The following DLEU7 variants were observed in gnomAD, a reference collection of about 807,000 sequenced individuals.
The protein encoded by DLEU7 is leukemia-associated protein 7.
A neutral mutation model predicts 16.0 loss-of-function variants in DLEU7; 17 were observed. The observed-to-expected ratio is 1.06, with a 90% CI of 0.73 to 1.59. The LOEUF (loss-of-function observed/expected upper bound fraction) is 1.59. Among genes scored for constraint, DLEU7 ranks in the 40% most tolerant of loss-of-function variants. The pLI is 0.00. For missense variants in DLEU7, 308 were observed against 314.9 expected (o/e 0.98, Z 0.17); for synonymous variants, 113 against 139.8 (o/e 0.81, Z 1.35).
chr13:50,758,025 A>ATTTTT (rs5803530), intron 1 of DLEU7, among the ~76,000 whole-genome samples: 35 of 89,082 alleles, frequency 3.9e-4, no homozygotes, highest in South Asian at 7.4e-4. Context: ...CATTACCAAG[A>ATTTTT]TTTTTTTTTT....
intron 1 of DLEU7, among the ~76,000 whole-genome samples, chr13:50,824,043 T>A (rs1055466079): frequency 6.6e-6 from 1 of 152,222 alleles, no homozygotes; most frequent in Admixed American, 6.5e-5. Flanking sequence ...CCAGTTGGAC[T>A]TGAGTTTCTA....
chr13:50,802,286 CAAGTT>C (rs1352700270), intron 1 of DLEU7, among the ~76,000 whole-genome samples: 1 of 152,146 alleles, frequency 6.6e-6, no homozygotes. Context: ...AAGGTACAAT[CAAGTT>C]AAGAGAGCAA....
intron 1 of DLEU7, among the ~76,000 whole-genome samples, chr13:50,749,872 T>G (rs1379822401): frequency 1.3e-5 from 2 of 152,234 alleles, no homozygotes; most frequent in Non-Finnish European, 2.9e-5. Flanking sequence ...GAAGATTTTC[T>G]CCAACTCTGT....
intron 1 of DLEU7, among the ~76,000 whole-genome samples, chr13:50,791,304 C>G (rs1875952531): frequency 6.6e-6 from 1 of 152,124 alleles, no homozygotes; most frequent in South Asian, 2.1e-4. Context: ...CTCACACACC[C>G]AACACCTGCC....
At chr13:50,762,800 GA>G (rs34858154) in intron 1 of DLEU7, among the ~76,000 whole-genome samples, 59,943 of 119,064 alleles carry the variant, frequency 0.5, 13,831 homozygotes, top group African/African-American at 0.64. Context: ...TATTGTGCTA[GA>G]AAAAAAAAAA....
chr13:50,819,898 A>G (rs1049651119), downstream of DLEU7, among the ~76,000 whole-genome samples: 1 of 152,188 alleles, frequency 6.6e-6, no homozygotes, highest in Non-Finnish European at 1.5e-5. Context: ...ATCACCAACT[A>G]GTAGGTGTAG....
intron 1 of DLEU7, among the ~76,000 whole-genome samples, chr13:50,815,925 AG>A (rs34685437): frequency 0.49 from 74,728 of 151,916 alleles, 18,830 homozygotes; most frequent in Middle Eastern, 0.57. Flanking sequence ...AATATTCTTG[AG>A]GGGGGGCTGC....
At chr13:50,794,542 T>C (rs1200053340) in intron 1 of DLEU7, among the ~76,000 whole-genome samples, 1 of 152,210 alleles carries the variant, frequency 6.6e-6, no homozygotes, top group Non-Finnish European at 1.5e-5. Context: ...AGGCTGCCAA[T>C]AGCATCTGGT....
intron 1 of DLEU7, among the ~76,000 whole-genome samples, chr13:50,765,772 C>A (rs1317004603): frequency 2.0e-5 from 3 of 151,906 alleles, no homozygotes; most frequent in Non-Finnish European, 4.4e-5. Flanking sequence ...TGGGAGCCAG[C>A]AATATGAAGA....
At chr13:50,711,772 C>CGGGGGGGG (rs1873294643), downstream of DLEU7, 1 of 72,928 alleles carries the variant, frequency 1.4e-5, no homozygotes, top group African/African-American at 3.9e-5. Flanking sequence ...GACCCAGTGG[C>CGGGGGGGG]GGGGGCGGGG....
chr13:50,743,410 T>C (rs1289328826), intron 1 of DLEU7, among the ~76,000 whole-genome samples: 1 of 152,190 alleles, frequency 6.6e-6, no homozygotes. Context: ...GTTAAGAGTA[T>C]AGGCTCTGGA....
intron 1 of DLEU7, among the ~76,000 whole-genome samples, chr13:50,806,307 A>C (rs531256007): frequency 6.6e-6 from 1 of 152,196 alleles, no homozygotes; most frequent in East Asian, 1.9e-4. Context: ...TATTCCAAGA[A>C]ATTATTTTTT....
At chr13:50,758,608 T>C (rs616283) in intron 1 of DLEU7, among the ~76,000 whole-genome samples, 145,774 of 152,286 alleles carry the variant, frequency 0.96, 69,818 homozygotes, top group East Asian at 1. Flanking sequence ...CCGGGGGAAG[T>C]CAGCTCTAAG....
chr13:50,742,677 T>C (rs1363927512), intron 1 of DLEU7, among the ~76,000 whole-genome samples: 1 of 152,192 alleles, frequency 6.6e-6, no homozygotes, highest in Non-Finnish European at 1.5e-5. Flanking sequence ...GGGTCATTGT[T>C]CTGGTAGCAG....
At chr13:50,766,411 A>G (rs1875111343) in intron 1 of DLEU7, among the ~76,000 whole-genome samples, 1 of 152,180 alleles carries the variant, frequency 6.6e-6, no homozygotes, top group Non-Finnish European at 1.5e-5. Context: ...AGCTACTCCT[A>G]GTATGTCTGC....
Position 50,713,153 on chromosome 13 carries a change from A to T in DLEU7, c.*64T>A. 3 of 1,583,426 alleles carry T rather than the reference A, an allele frequency of 1.9e-6. No individual in the cohort carries two copies. In the South Asian group the frequency reaches 3.4e-5, roughly 18 times the overall value. The stretch of plus-strand genomic sequence containing the variant: ...CATCTCATCCCATCTGGCATTCAGA[A>T]TTTGGCACTGGTTATTGAAATATGA... On this transcript the variant is annotated 3_prime_UTR_variant, in exon 2 of 2. Transcript: ENST00000400393.
chr13:50,826,299 T>C (rs940820947), intron 1 of DLEU7, among the ~76,000 whole-genome samples: 1 of 152,144 alleles, frequency 6.6e-6, no homozygotes, highest in South Asian at 2.1e-4. Flanking sequence ...GTTAGGGACC[T>C]GTGCCTTAAG....
intron 1 of DLEU7, among the ~76,000 whole-genome samples, chr13:50,783,546 C>A (rs1875713759): frequency 6.6e-6 from 1 of 152,160 alleles, no homozygotes; most frequent in Non-Finnish European, 1.5e-5. Context: ...ACCAGTGGAG[C>A]TTCCCTCCCT....
chr13:50,832,936 A>G (rs149917122), intron 1 of DLEU7, among the ~76,000 whole-genome samples: 4 of 152,370 alleles, frequency 2.6e-5, no homozygotes, highest in African/African-American at 7.2e-5. Context: ...AACAGAACCA[A>G]TGGCAAAAAC....
Sources: allele counts gnomAD v4.1 joint callset (sites outside exome capture counted in the v4.1 genomes callset), GRCh38; gene constraint gnomAD v4.1.1; transcripts MANE v1.5; gene names NCBI Gene and HGNC (gene_info 2026-07-23, HGNC 2026-07-21).